DIP2B: variants seen among roughly 807,000 people sequenced by gnomAD.
DIP2B encodes the protein DIP2 acetate--CoA ligase B (putative).
DIP2B carries 76 observed loss-of-function variants against 198.0 expected under a neutral mutation model. The observed-to-expected ratio is 0.38, with a 90% CI of 0.32 to 0.46. DIP2B has a LOEUF of 0.46. Ranked by LOEUF, DIP2B falls within the 20% of genes least tolerant of loss-of-function variation. The pLI, the probability that DIP2B is intolerant of heterozygous loss-of-function variation, is 0.99. For missense variants in DIP2B, 1,559 were observed against 1,978.4 expected (o/e 0.79, Z 4.02); for synonymous variants, 701 against 739.1 (o/e 0.95, Z 0.84).
At chr12:50,654,309 A>G (rs1938516358) in intron 3 of DIP2B, among the ~76,000 whole-genome samples, 1 of 151,904 alleles carries the variant, frequency 6.6e-6, no homozygotes, top group Non-Finnish European at 1.5e-5. Flanking sequence ...GCCATAAACA[A>G]TGTCAAAAAA....
intron 1 of DIP2B, among the ~76,000 whole-genome samples, chr12:50,596,624 G>A (rs971727395): frequency 2.0e-5 from 3 of 152,144 alleles, no homozygotes; most frequent in Non-Finnish European, 4.4e-5. Flanking sequence ...CCAGCACTTT[G>A]GGAGGCTGAG....
chr12:50,529,784 G>C (rs147368558), intron 1 of DIP2B, among the ~76,000 whole-genome samples: 1 of 151,840 alleles, frequency 6.6e-6, no homozygotes, highest in Non-Finnish European at 1.5e-5. Context: ...GCTTGACCCC[G>C]GGAGGCAGAG....
chr12:50,724,757 T>C lies in DIP2B; in HGVS notation c.3289-18T>C. The C allele has an allele frequency of 6.2e-7, 1 of 1,612,272 alleles. No individual in the cohort carries two copies. The highest frequency in any genetic ancestry group is 8.5e-7 in the Non-Finnish European group (1 of 1,178,466). ...GGCTGAGCCTCCTGATGCTTATTGC[T>C]GTCCATTTGTTTTCTAGGTCAGCAA... On this transcript the variant is annotated intron_variant, in intron 27 of 37. Coordinates refer to ENST00000301180, the MANE Select transcript of DIP2B (RefSeq NM_173602.3).
chr12:50,671,522 A>G, intron 5 of DIP2B, 124 bp downstream of exon 5: 1 of 878,416 alleles, frequency 1.1e-6, no homozygotes, highest in Non-Finnish European at 1.7e-6. Context: ...TAGAGAAAAC[A>G]TGACAGTTAA....
At chr12:50,613,801 C>A (rs1748728228) in intron 1 of DIP2B, among the ~76,000 whole-genome samples, 1 of 152,136 alleles carries the variant, frequency 6.6e-6, no homozygotes, top group South Asian at 2.1e-4. Context: ...GTAATTAAAT[C>A]ATTAATTATA....
At chr12:50,654,937 T>C (rs1163796118) in intron 3 of DIP2B, 2 of 431,038 alleles carry the variant, frequency 4.6e-6, no homozygotes, top group East Asian at 1.4e-4. Context: ...TAATGCAGTG[T>C]GGTAAAAACT....
chr12:50,640,447 G>A (rs904711301), intron 2 of DIP2B, among the ~76,000 whole-genome samples: 7 of 152,106 alleles, frequency 4.6e-5, no homozygotes, highest in African/African-American at 1.7e-4. Context: ...CATCAGTACT[G>A]CCTCTCCTTG....
chr12:50,537,112 T>C (rs1182242813), intron 1 of DIP2B, among the ~76,000 whole-genome samples: 4 of 113,006 alleles, frequency 3.5e-5, no homozygotes, highest in African/African-American at 1.3e-4. Context: ...TATTATTCTC[T>C]AATTTTTTTT....
intron 1 of DIP2B, among the ~76,000 whole-genome samples, chr12:50,533,102 G>T (rs548699637): frequency 6.6e-6 from 1 of 152,206 alleles, no homozygotes; most frequent in Non-Finnish European, 1.5e-5. Context: ...AACAAGACAT[G>T]ACCATATTTG....
intron 35 of DIP2B, among the ~76,000 whole-genome samples, chr12:50,738,967 T>C (rs142415452): frequency 0.018 from 2,748 of 152,306 alleles, 44 homozygotes; most frequent in Middle Eastern, 0.088. Flanking sequence ...AAACACCCCA[T>C]GGTGTTTCCC....
intron 1 of DIP2B, among the ~76,000 whole-genome samples, chr12:50,542,248 C>CA (rs35430997): frequency 0.028 from 1,391 of 49,878 alleles, 20 homozygotes; most frequent in African/African-American, 0.079. Flanking sequence ...GACTCCGTCT[C>CA]AAAAAAAAAA....
intron 1 of DIP2B, among the ~76,000 whole-genome samples, chr12:50,518,751 G>A (rs1958088942): frequency 3.7e-5 from 1 of 26,784 alleles, no homozygotes; most frequent in Non-Finnish European, 1.0e-4. Context: ...GTCTTTTTTT[G>A]TTTGTTTTTG....
chr12:50,586,933 A>G (rs1428956187), intron 1 of DIP2B, among the ~76,000 whole-genome samples: 1 of 152,144 alleles, frequency 6.6e-6, no homozygotes. Context: ...CCCATATGAA[A>G]ACATGTTTTT....
At chr12:50,636,775 CT>C (rs1938167470) in intron 2 of DIP2B, among the ~76,000 whole-genome samples, 1 of 152,202 alleles carries the variant, frequency 6.6e-6, no homozygotes, top group East Asian at 1.9e-4. Context: ...GGTGTTGGCT[CT>C]TTTAGCCTCA....
chr12:50,665,768 C>T (rs1938741632), intron 4 of DIP2B, among the ~76,000 whole-genome samples: 1 of 147,774 alleles, frequency 6.8e-6, no homozygotes, highest in Admixed American at 6.7e-5. Context: ...AGAGTGAAAC[C>T]TCAACTGAAA....
chr12:50,722,263 TTTTA>T (rs1939853149), intron 26 of DIP2B, among the ~76,000 whole-genome samples: 1 of 75,760 alleles, frequency 1.3e-5, no homozygotes, highest in Non-Finnish European at 3.5e-5. Context: ...GTTTATTTTA[TTTTA>T]TTTTATTTTA....
chr12:50,507,719 A>G (rs1957980198), intron 1 of DIP2B, among the ~76,000 whole-genome samples: 1 of 152,094 alleles, frequency 6.6e-6, no homozygotes, highest in Admixed American at 6.6e-5. Context: ...TATTTATAGT[A>G]GAGACCGGGT....
chr12:50,511,902 C>T (rs983137131), intron 1 of DIP2B, among the ~76,000 whole-genome samples: 1 of 136,806 alleles, frequency 7.3e-6, no homozygotes, highest in Admixed American at 7.9e-5. Flanking sequence ...GAGCCGAGAT[C>T]GCGTCACTGC....
At chr12:50,591,750 G>A (rs1958820677) in intron 1 of DIP2B, among the ~76,000 whole-genome samples, 2 of 151,784 alleles carry the variant, frequency 1.3e-5, no homozygotes, top group Admixed American at 6.6e-5. Flanking sequence ...TTGAGCCACC[G>A]TGCCCAGCCA....
Sources: allele counts gnomAD v4.1 joint callset (sites outside exome capture counted in the v4.1 genomes callset), GRCh38; gene constraint gnomAD v4.1.1; transcripts MANE v1.5; gene names NCBI Gene and HGNC (gene_info 2026-07-23, HGNC 2026-07-21).